C1orf146: variants seen among roughly 807,000 people sequenced by gnomAD.
The protein encoded by C1orf146 is protein SPO16 homolog.
In C1orf146, 22 loss-of-function variants were observed where a neutral mutation model predicts 23.0. The ratio of observed to expected loss-of-function variants is 0.96; its 90% CI spans 0.68 to 1.36. The LOEUF is 1.36. Ranked by LOEUF, C1orf146 falls within the 40% of genes most tolerant of loss-of-function variation. C1orf146 has a pLI of 0.00. For synonymous variants in C1orf146, 59 were observed against 65.3 expected, an observed-to-expected ratio of 0.90 and a Z score of 0.47; for missense variants, 199 against 206.8, an observed-to-expected ratio of 0.96 and a Z score of 0.23.
chr1:92,245,308 AT>A (rs1304144353), intron 5 of C1orf146, among the ~76,000 whole-genome samples: 2 of 152,180 alleles, frequency 1.3e-5, no homozygotes, highest in African/African-American at 4.8e-5. Flanking sequence ...CTTGGAACAT[AT>A]CCCCATTAAA....
Position 92,233,717 on chromosome 1 carries a change from C to G in C1orf146, c.66+2231C>G, listed in dbSNP as rs989533246. 5.3e-5 allele frequency among the ~76,000 whole-genome samples: 8 copies of G among 152,070 alleles called. No individual in the cohort carries two copies. In the East Asian group the frequency reaches 7.7e-4, roughly 15 times the overall value. ...ACCTTGGGCAGTATGGCCATTTTCC[C>G]GATATTGATTCTTCCTACCCATGAG... On this transcript the variant is annotated intron_variant, in intron 2 of 5. Transcript: ENST00000370375.
At chr1:92,220,584 A>G (rs1026959351) in intron 1 of C1orf146, among the ~76,000 whole-genome samples, 5 of 152,216 alleles carry the variant, frequency 3.3e-5, no homozygotes, top group African/African-American at 9.6e-5. Flanking sequence ...TAAAAAAAGT[A>G]AAAATACAGT....
chr1:92,245,375 A>G lies in C1orf146; in HGVS notation c.409-165A>G, dbSNP rs959550832. 5.3e-5 allele frequency among the ~76,000 whole-genome samples: 8 copies of G among 152,322 alleles called. No homozygotes were observed. The East Asian group carries it at 1.2e-3, about 22-fold the overall frequency. ...GCATGTTTAAAATTCCTTGATAGAA[A>G]CTAAGTATTTTCCTGTTGACTACTC... is the stretch of plus-strand genomic sequence containing the variant. On this transcript the variant is annotated intron_variant, in intron 5 of 5. Transcript: ENST00000370375.
chr1:92,229,089 G>GTGGA lies in C1orf146; in HGVS notation c.-39-2292_-39-2289dup, dbSNP rs1193566895. The stretch of plus-strand genomic sequence containing the variant: ...CTTGCTAGTGCACATCTGCTGGAAG[G>GTGGA]TGGACAGTGAGGTCAGGATGGAGCC... On this transcript the variant is annotated intron_variant, in intron 1 of 5. Transcript: ENST00000370375. The GTGGA allele has an allele frequency of 8.0e-6, 4 of 500,384 alleles. No individual in the cohort carries two copies. The Admixed American group carries it at 9.3e-5, about 12-fold the overall frequency. The allele number at this position is 500,384 out of a possible 1,614,324, so 31.0% of individuals were successfully genotyped here. A position where few individuals can be genotyped will look rare whatever the true frequency, so the allele number is the denominator to read the frequency against.
intron 1 of C1orf146, among the ~76,000 whole-genome samples, chr1:92,221,367 C>T (rs2100724667): frequency 6.6e-6 from 1 of 152,226 alleles, no homozygotes; most frequent in Admixed American, 6.5e-5. Context: ...GGCTGAAAAA[C>T]TACCTTTTGG....
intron 1 of C1orf146, among the ~76,000 whole-genome samples, chr1:92,219,159 T>C (rs1161128260): frequency 2.6e-5 from 4 of 152,206 alleles, no homozygotes; most frequent in Non-Finnish European, 5.9e-5. Context: ...ATATATGTAT[T>C]CATAGCTATG....
intron 1 of C1orf146, 57 bp from the exon 2 acceptor site, chr1:92,231,325 T>C: frequency 1.2e-6 from 1 of 801,138 alleles, no homozygotes; most frequent in Non-Finnish European, 2.0e-6. Context: ...TTTCCATCTT[T>C]AATTTACTCA....
intron 2 of C1orf146, among the ~76,000 whole-genome samples, chr1:92,233,904 C>G (rs1405240847): frequency 6.6e-6 from 1 of 152,104 alleles, no homozygotes; most frequent in Admixed American, 6.6e-5. Flanking sequence ...TGATTTGGCT[C>G]TCTGTTTGTC....
At chr1:92,218,612 T>C (rs954932321) in intron 1 of C1orf146, among the ~76,000 whole-genome samples, 2 of 152,118 alleles carry the variant, frequency 1.3e-5, no homozygotes, top group African/African-American at 2.4e-5. Flanking sequence ...GTGTGTTACA[T>C]AGGTTAAACT....
intron 1 of C1orf146, among the ~76,000 whole-genome samples, chr1:92,230,338 C>T (rs1220747318): frequency 6.6e-6 from 1 of 151,632 alleles, no homozygotes; most frequent in Non-Finnish European, 1.5e-5. Context: ...ATTGGCCAGG[C>T]GCGATGGCTC....
intron 1 of C1orf146, among the ~76,000 whole-genome samples, chr1:92,223,579 C>G (rs2100727641): frequency 6.6e-6 from 1 of 152,224 alleles, no homozygotes; most frequent in East Asian, 1.9e-4. Flanking sequence ...GTTGCCCAGG[C>G]TGGAGTACAA....
In C1orf146 at chr1:92,233,575, A is replaced by G. The variant is rs183910761; in HGVS notation, c.66+2089A>G. Among the ~76,000 whole-genome samples the G allele has an allele frequency of 7.7e-4, 117 of 152,208 alleles. No homozygotes were observed. The East Asian group carries it at 0.02, about 26-fold the overall frequency. Reference sequence around the variant, plus strand: ...TCCAGCTTTGTTCTTTTGGCTTAGGATTGACTTGGCAATGAGGGCTCTTTT... The same window carrying G: ...TCCAGCTTTGTTCTTTTGGCTTAGGGTTGACTTGGCAATGAGGGCTCTTTT... On this transcript the variant is annotated intron_variant, in intron 2 of 5. Transcript: ENST00000370375.
chr1:92,229,379 C>T, intron 1 of C1orf146: 2 of 540,232 alleles, frequency 3.7e-6, no homozygotes, highest in Admixed American at 2.0e-5. Flanking sequence ...GACACCGGAA[C>T]CGTTCGTTGC....
Position 92,224,019 on chromosome 1 carries a change from TA to T in C1orf146, c.-40+5972del, listed in dbSNP as rs1482016066. On this transcript the variant is annotated intron_variant, in intron 1 of 5. Transcript: ENST00000370375. ...GTTGTTGTTGTTGTTTTATTTTATTTATTTATTTATTTATTTATTTATTTAT... is the reference window on the plus strand; with the variant it reads ...GTTGTTGTTGTTGTTTTATTTTATTTTTTATTTATTTATTTATTTATTTAT... Among the ~76,000 whole-genome samples, 310 of 64,188 alleles carry T rather than the reference TA, an allele frequency of 4.8e-3. 2 individuals carry two copies. Among genetic ancestry groups the T allele is most frequent in the South Asian group, 0.019 (38 of 1,996 alleles). The allele number at this position is 64,188 out of a possible 152,430, so 42.1% of individuals were successfully genotyped here.
rs1330436383 is a variant in C1orf146, at chr1:92,242,251, A to G, written c.106A>G (p.Lys36Glu). 6.2e-7 allele frequency: 1 copy of G among 1,603,476 alleles called. No homozygotes were observed. Among genetic ancestry groups the G allele is most frequent in the Non-Finnish European group, 8.5e-7 (1 of 1,174,518 alleles). ...AACTGCCCTAGAAAATCGAAGCCAC[A>G]AAGTTCGATATTCAGATTCAGTGGA... ...VATALENRSHKVRYSDSVENG... is the reference protein window; with the variant it reads ...VATALENRSHEVRYSDSVENG... Residue 36 changes from lysine (K) to glutamate (E), a missense_variant, in exon 3 of 6, where the codon AAA becomes GAA. Lys to Glu is a moderately conservative substitution (Grantham distance 56). Coordinates refer to ENST00000370375, the MANE Select transcript of C1orf146 (RefSeq NM_001012425.2).
chr1:92,244,968 CG>C (rs1652553342), intron 5 of C1orf146, 111 bp downstream of exon 5: 2 of 626,972 alleles, frequency 3.2e-6, no homozygotes, highest in African/African-American at 3.7e-5. Context: ...TGTTCCCCTG[CG>C]GGAGTTGCTG....
chr1:92,243,162 CAG>C (rs1040797217), intron 3 of C1orf146, among the ~76,000 whole-genome samples: 1 of 152,118 alleles, frequency 6.6e-6, no homozygotes, highest in Non-Finnish European at 1.5e-5. Context: ...AACTTATGTT[CAG>C]AGAGGTTATA....
chr1:92,244,731 C>A, intron 4 of C1orf146, 48 bp from the exon 5 acceptor site: 1 of 1,184,122 alleles, frequency 8.4e-7, no homozygotes, highest in South Asian at 1.3e-5. Flanking sequence ...CTTAAGAGAA[C>A]AGATGTCAGC....
At chr1:92,222,788 A>T (rs1352229595) in intron 1 of C1orf146, among the ~76,000 whole-genome samples, 2 of 151,764 alleles carry the variant, frequency 1.3e-5, no homozygotes, top group African/African-American at 2.4e-5. Context: ...GGGTTTCACC[A>T]TGTTAGCCAG....
Sources: allele counts gnomAD v4.1 joint callset (sites outside exome capture counted in the v4.1 genomes callset), GRCh38; gene constraint gnomAD v4.1.1; transcripts MANE v1.5; gene names NCBI Gene and HGNC (gene_info 2026-07-23, HGNC 2026-07-21).